Variants in PRL observed in about 807,000 individuals in gnomAD.
The protein encoded by PRL is decidual prolactin.
In PRL, 24 loss-of-function variants were observed where a neutral mutation model predicts 21.3. The ratio of observed to expected loss-of-function variants is 1.13; its 90% confidence interval spans 0.82 to 1.59. The LOEUF is 1.59. Among genes scored for constraint, PRL ranks in the 40% most tolerant of loss-of-function variants. The probability of loss-of-function intolerance (pLI) is 0.00; values close to 1 mark genes in which losing one functional copy is unlikely to be tolerated. For missense variants in PRL, 243 were observed against 286.9 expected, an observed-to-expected ratio of 0.85 and a Z score of 1.10; for synonymous variants, 118 against 115.7, an observed-to-expected ratio of 1.02 and a Z score of -0.13.
chr6:22,296,307 A>T (rs1439063776), intron 1 of PRL, among the ~76,000 whole-genome samples: 1 of 152,254 alleles, frequency 6.6e-6, no homozygotes, highest in Non-Finnish European at 1.5e-5. Flanking sequence ...GTCAACCAAG[A>T]AAGTAAAGGT....
rs1224915382 is a variant in PRL, at chr6:22,292,615, T to A, written c.235A>T (p.Ile79Phe). The A allele has an allele frequency of 6.2e-7, 1 of 1,614,144 alleles. No homozygotes were observed. Among genetic ancestry groups the A allele is most frequent in the East Asian group, 2.2e-5 (1 of 44,872 alleles). The change falls in exon 3 of 5, where the codon ATT (isoleucine) becomes TTT (phenylalanine). Residue 79 changes from isoleucine to phenylalanine, a missense_variant. Ile to Phe is a conservative substitution (Grantham distance 21). Transcript: ENST00000306482. ...DKRYTHGRGF[I>F]TKAINSCHTS... ...TGGCAGCTGTTGATGGCCTTGGTAATGAACCCCCGGCCATGGGTATACCGT... is the reference window on the plus strand; with the variant it reads ...TGGCAGCTGTTGATGGCCTTGGTAAAGAACCCCCGGCCATGGGTATACCGT...
upstream of PRL, among the ~76,000 whole-genome samples, chr6:22,301,045 A>C (rs1761273523): frequency 6.6e-6 from 1 of 152,232 alleles, no homozygotes; most frequent in African/African-American, 2.4e-5. Flanking sequence ...AGAATTAAAT[A>C]TTTAGCTGTA....
chr6:22,290,622 T>G (rs1761031836), intron 3 of PRL, among the ~76,000 whole-genome samples: 1 of 152,210 alleles, frequency 6.6e-6, no homozygotes, highest in Admixed American at 6.5e-5. Context: ...ATTTTGTTTT[T>G]CCTCTGAAAT....
upstream of PRL, chr6:22,297,040 T>C: frequency 6.3e-7 from 1 of 1,583,490 alleles, no homozygotes; most frequent in Non-Finnish European, 8.7e-7. Flanking sequence ...GTCTCACGGT[T>C]TTCTCTTTCC....
At chr6:22,291,523 A>G (rs1045116341) in intron 3 of PRL, among the ~76,000 whole-genome samples, 1 of 152,168 alleles carries the variant, frequency 6.6e-6, no homozygotes, top group Non-Finnish European at 1.5e-5. Context: ...AAAATCTGAA[A>G]TCTGAAATAC....
intron 1 of PRL, 50 bp from the exon 2 acceptor site, chr6:22,294,634 G>A (rs1258875445): frequency 6.8e-7 from 1 of 1,476,710 alleles, no homozygotes; most frequent in Non-Finnish European, 9.0e-7. Context: ...TTCCACGGAG[G>A]TTTTCAGAAG....
rs1258542241 is a variant in PRL at position 22,294,933 on chromosome 6, A to AT, written c.29-350dup. Among the ~76,000 whole-genome samples the AT allele has an allele frequency of 3.3e-5, 5 of 152,014 alleles. No homozygotes were observed. The South Asian group carries it at 1.0e-3, about 32-fold the overall frequency. On this transcript the variant is annotated intron_variant, in intron 1 of 4. Coordinates refer to ENST00000306482, the MANE Select transcript of PRL (RefSeq NM_000948.6). ...TTTAATGTCTTGGGAGTTTCTGCAG[A>AT]TTTTCAGCAGTCAGGCTGCCCAGCA...
upstream of PRL, among the ~76,000 whole-genome samples, chr6:22,298,379 GT>G (rs1761221767): frequency 1.3e-5 from 2 of 152,164 alleles, no homozygotes; most frequent in African/African-American, 2.4e-5. Context: ...AAAGCAGCCT[GT>G]GACCTTTAGT....
chr6:22,289,514 A>G (rs1247638857), intron 4 of PRL, among the ~76,000 whole-genome samples: 1 of 152,210 alleles, frequency 6.6e-6, no homozygotes, highest in Non-Finnish European at 1.5e-5. Context: ...TTGACTTTGG[A>G]GTCCCAAGAA....
chr6:22,297,727 T>C (rs1338508976), upstream of PRL, among the ~76,000 whole-genome samples: 1 of 152,232 alleles, frequency 6.6e-6, no homozygotes, highest in Non-Finnish European at 1.5e-5. Flanking sequence ...AGTGGTATTA[T>C]TCTCTCCAGT....
upstream of PRL, among the ~76,000 whole-genome samples, chr6:22,301,428 T>C (rs1356134517): frequency 6.6e-6 from 1 of 152,172 alleles, no homozygotes; most frequent in Non-Finnish European, 1.5e-5. Context: ...TATTGTTTCA[T>C]AGTGGTGAGA....
In PRL at chr6:22,288,211, G is replaced by C. The variant is rs1760963984; in HGVS notation, c.493-618C>G. 6.6e-6 allele frequency among the ~76,000 whole-genome samples: 1 copy of C among 152,076 alleles called. No homozygotes were observed. The highest frequency in any genetic ancestry group is 1.5e-5 in the Non-Finnish European group (1 of 68,008). ...ACAATTGCTTTCTTTTGAGGTCCCT[G>C]GGCTGGGAGGTGCCGGGAAAAGCAC... On this transcript the variant is annotated intron_variant, in intron 4 of 4. Transcript: ENST00000306482. This position sits in a 1 kb window ranked among gnomAD's most constrained non-coding sequence, Gnocchi z 4.5.
At position 22,294,408 on chromosome 6, in the gene PRL, C is replaced by G. The variant is rs781634272; in HGVS notation, c.204+1G>C. Reference sequence around the variant, plus strand: ...GAGGAAGCCAGAAGCATGGTACTTACGAATTCGCTGAACATTTCTGAGGAG... The same window carrying G: ...GAGGAAGCCAGAAGCATGGTACTTAGGAATTCGCTGAACATTTCTGAGGAG... On this transcript the variant is annotated splice_donor_variant, in intron 2 of 4. Coordinates refer to ENST00000306482, the MANE Select transcript of PRL (RefSeq NM_000948.6). LOFTEE classifies it high-confidence loss of function. The G allele has an allele frequency of 8.7e-6, 14 of 1,614,080 alleles. No homozygotes were observed. Among genetic ancestry groups the G allele is most frequent in the Admixed American group, 6.7e-5 (4 of 60,028 alleles).
upstream of PRL, chr6:22,297,148 AC>A: frequency 1.5e-6 from 1 of 651,090 alleles, no homozygotes; most frequent in East Asian, 2.8e-5. Flanking sequence ...CATTGAGATT[AC>A]CCCCATAATT....
upstream of PRL, chr6:22,297,136 G>T: frequency 1.4e-6 from 1 of 709,338 alleles, no homozygotes; most frequent in Non-Finnish European, 2.3e-6. Flanking sequence ...ATCTATTTCC[G>T]TCATTGAGAT....
intron 2 of PRL, among the ~76,000 whole-genome samples, chr6:22,293,378 C>T (rs1305063267): frequency 6.6e-6 from 1 of 151,366 alleles, no homozygotes; most frequent in African/African-American, 2.4e-5. Context: ...CAAAAGATGG[C>T]CAGTCAAAAA....
intron 4 of PRL, 32 bp downstream of exon 4, chr6:22,290,142 G>C: frequency 6.7e-7 from 1 of 1,496,356 alleles, no homozygotes; most frequent in South Asian, 1.4e-5. Context: ...ATATTAATGA[G>C]AAAAACAAAG....
intron 4 of PRL, 110 bp from the exon 5 acceptor site, chr6:22,287,703 T>C: frequency 9.8e-7 from 1 of 1,015,800 alleles, no homozygotes; most frequent in Non-Finnish European, 1.4e-6. Context: ...GAATGCAAAG[T>C]TTTAGACAAA....
upstream of PRL, chr6:22,297,267 G>A (rs1761199220): frequency 6.5e-6 from 3 of 463,514 alleles, 1 homozygote; most frequent in East Asian, 7.3e-5. Flanking sequence ...AAGGAAATGA[G>A]AGAAATGATG....
Sources: allele counts gnomAD v4.1 joint callset (sites outside exome capture counted in the v4.1 genomes callset), GRCh38; gene constraint gnomAD v4.1.1; non-coding constraint Gnocchi (gnomAD v3.1); transcripts MANE v1.5; gene names NCBI Gene and HGNC (gene_info 2026-07-23, HGNC 2026-07-21).